GPR158: variants seen among roughly 807,000 people sequenced by gnomAD.
GPR158 encodes the protein G protein-coupled receptor 158.
Under a neutral mutation model 78.2 loss-of-function variants are expected in GPR158, and 30 were observed. The ratio of observed to expected loss-of-function variants is 0.38; its 90% CI spans 0.29 to 0.52. The LOEUF is 0.52. GPR158 is among the 20% of genes least tolerant of loss of function. The pLI is 0.83. For synonymous variants in GPR158, 581 were observed against 591.1 expected, an observed-to-expected ratio of 0.98 and a Z score of 0.25; for missense variants, 1,463 against 1,523.5, an observed-to-expected ratio of 0.96 and a Z score of 0.66.
intron 2 of GPR158, among the ~76,000 whole-genome samples, chr10:25,372,214 G>A (rs1170633841): frequency 6.6e-6 from 1 of 151,922 alleles, no homozygotes; most frequent in Non-Finnish European, 1.5e-5. Context: ...AACAACAGGT[G>A]CTGGAGAGGA....
chr10:25,395,190 C>T (rs765732009), intron 2 of GPR158, among the ~76,000 whole-genome samples: 4 of 152,058 alleles, frequency 2.6e-5, no homozygotes, highest in Non-Finnish European at 4.4e-5. Context: ...ATATCCTTGA[C>T]CCTTGAAAGA....
intron 5 of GPR158, among the ~76,000 whole-genome samples, chr10:25,506,969 T>G (rs985574160): frequency 6.6e-6 from 1 of 152,218 alleles, no homozygotes; most frequent in South Asian, 2.1e-4. Flanking sequence ...CACATACCAC[T>G]AGGCTATGCT....
intron 2 of GPR158, among the ~76,000 whole-genome samples, chr10:25,279,532 A>G (rs1299795560): frequency 1.3e-5 from 2 of 152,144 alleles, no homozygotes; most frequent in African/African-American, 4.8e-5. Flanking sequence ...TGCAGGGGGA[A>G]GTGTATTACA....
chr10:25,280,961 C>A (rs1016274191), intron 2 of GPR158, among the ~76,000 whole-genome samples: 1 of 151,450 alleles, frequency 6.6e-6, no homozygotes, highest in Non-Finnish European at 1.5e-5. Context: ...ATGGCAAAAT[C>A]CCCTCTCTAC....
At chr10:25,400,362 G>C (rs962303454) in intron 3 of GPR158, among the ~76,000 whole-genome samples, 6 of 152,160 alleles carry the variant, frequency 3.9e-5, no homozygotes, top group Non-Finnish European at 1.5e-5. Flanking sequence ...TGATCTCTTA[G>C]AGAAAATATA....
At chr10:25,568,067 T>TA (rs1160606484) in intron 6 of GPR158, among the ~76,000 whole-genome samples, 2 of 152,270 alleles carry the variant, frequency 1.3e-5, no homozygotes, top group Non-Finnish European at 2.9e-5. Context: ...TACAGTTAGA[T>TA]AGGGCTGTAA....
chr10:25,351,307 T>C lies in GPR158; in HGVS notation c.1009-44604T>C, dbSNP rs1302570473. Among the ~76,000 whole-genome samples the C allele has an allele frequency of 2.0e-5, 3 of 151,770 alleles. No individual in the cohort carries two copies. The East Asian group carries it at 5.9e-4, about 30-fold the overall frequency. ...AAGAAGTCTCCAAGTAAGACAGACTTAGGGAGTGCGGGTTAAGCCAGGCTG... is the reference window on the plus strand; with the variant it reads ...AAGAAGTCTCCAAGTAAGACAGACTCAGGGAGTGCGGGTTAAGCCAGGCTG... On this transcript the variant is annotated intron_variant, in intron 2 of 10. Coordinates refer to ENST00000376351, the MANE Select transcript of GPR158 (RefSeq NM_020752.3).
chr10:25,181,256 T>G (rs974963537), intron 1 of GPR158, among the ~76,000 whole-genome samples: 13 of 152,220 alleles, frequency 8.5e-5, no homozygotes, highest in African/African-American at 3.1e-4. Context: ...TAAGTCTCAG[T>G]TACATCATCT....
At chr10:25,226,161 C>T (rs576524159) in intron 2 of GPR158, among the ~76,000 whole-genome samples, 1 of 152,122 alleles carries the variant, frequency 6.6e-6, no homozygotes, top group Non-Finnish European at 1.5e-5. Flanking sequence ...GCCATGCTGT[C>T]TAGTATGATA....
chr10:25,591,473 A>G (rs191881048), intron 8 of GPR158, among the ~76,000 whole-genome samples: 10 of 152,256 alleles, frequency 6.6e-5, no homozygotes, highest in East Asian at 1.9e-4. Context: ...GAATAATCAC[A>G]TGAACATGAG....
chr10:25,301,463 T>G (rs1338893098), intron 2 of GPR158, among the ~76,000 whole-genome samples: 1 of 152,198 alleles, frequency 6.6e-6, no homozygotes, highest in Non-Finnish European at 1.5e-5. Flanking sequence ...ATAGAGATTT[T>G]CAGGAGAAAA....
At chr10:25,588,269 CT>C (rs1837296640) in intron 7 of GPR158, among the ~76,000 whole-genome samples, 2 of 152,088 alleles carry the variant, frequency 1.3e-5, no homozygotes, top group African/African-American at 4.8e-5. Context: ...AGTAAATTGC[CT>C]AAGATTATGC....
intron 1 of GPR158, among the ~76,000 whole-genome samples, chr10:25,219,193 C>T (rs973312010): frequency 2.2e-4 from 34 of 152,208 alleles, no homozygotes; most frequent in Non-Finnish European, 5.9e-5. Flanking sequence ...CAAGTGATAG[C>T]TTTCCAAATC....
chr10:25,339,824 T>A (rs1174316307), intron 2 of GPR158, among the ~76,000 whole-genome samples: 1 of 152,110 alleles, frequency 6.6e-6, no homozygotes, highest in African/African-American at 2.4e-5. Context: ...GGTTTCTTAA[T>A]GTTAAACTGA....
At chr10:25,387,788 A>G (rs1443999428) in intron 2 of GPR158, among the ~76,000 whole-genome samples, 6 of 152,180 alleles carry the variant, frequency 3.9e-5, no homozygotes, top group Non-Finnish European at 8.8e-5. Context: ...TGCTGTGATT[A>G]CAGGTGTGAG....
chr10:25,391,741 C>G (rs887375280), intron 2 of GPR158, among the ~76,000 whole-genome samples: 2 of 152,032 alleles, frequency 1.3e-5, no homozygotes, highest in Admixed American at 1.3e-4. Flanking sequence ...TGAATTGAGA[C>G]TTTGGGGAAC....
chr10:25,260,418 G>T (rs1047479942), intron 2 of GPR158, among the ~76,000 whole-genome samples: 5 of 152,010 alleles, frequency 3.3e-5, no homozygotes, highest in African/African-American at 1.2e-4. Flanking sequence ...TGTTAGCATG[G>T]TCACTACCAA....
At chr10:25,527,367 C>G (rs912977829) in intron 5 of GPR158, among the ~76,000 whole-genome samples, 6 of 152,114 alleles carry the variant, frequency 3.9e-5, no homozygotes, top group African/African-American at 1.4e-4. Context: ...TCCCTATAAA[C>G]TTTTTAAAAT....
chr10:25,481,572 T>C (rs879828757), intron 5 of GPR158, among the ~76,000 whole-genome samples: 1 of 152,210 alleles, frequency 6.6e-6, no homozygotes, highest in Non-Finnish European at 1.5e-5. Context: ...ATTTACTGCA[T>C]GCTGCTGTGA....
Sources: gnomAD v4.1 joint callset for allele counts (sites outside exome capture counted in the v4.1 genomes callset) on GRCh38, gnomAD v4.1.1 for gene constraint, MANE v1.5 for transcripts, NCBI Gene and HGNC (gene_info 2026-07-23, HGNC 2026-07-21) for gene names.